Variants in DMD observed in about 807,000 individuals in gnomAD.
DMD encodes dystrophin.
A neutral mutation model predicts 330.1 loss-of-function variants in DMD; 63 were observed. That is an observed-to-expected ratio of 0.19 (90% CI 0.16 to 0.24). The LOEUF (loss-of-function observed/expected upper bound fraction) is 0.24. Among genes scored for constraint, DMD ranks in the 10% least tolerant of loss-of-function variants. The pLI, the probability that DMD is intolerant of heterozygous loss-of-function variation, is 1.00. For missense variants in DMD, 3,344 were observed against 2,684.1 expected (o/e 1.25, Z -5.43); for synonymous variants, 1,223 against 959.8 (o/e 1.27, Z -5.07).
intron 44 of DMD, among the ~76,000 whole-genome samples, chrX:32,023,300 G>A (rs1180145749): frequency 2.7e-5 from 3 of 110,919 alleles, no homozygotes; most frequent in Non-Finnish European, 1.9e-5. Context: ...CTAAGACCTG[G>A]GGGGTATTAT....
At chrX:31,973,069 G>T (rs2095411282) in intron 44 of DMD, among the ~76,000 whole-genome samples, 2 of 111,235 alleles carry the variant, frequency 1.8e-5, no homozygotes, top group Non-Finnish European at 3.8e-5. Context: ...TCGGATGATG[G>T]ATTTTTGTAA....
At chrX:32,833,217 A>G (rs1476685270) in intron 4 of DMD, among the ~76,000 whole-genome samples, 1 of 111,488 alleles carries the variant, frequency 9.0e-6, no homozygotes, top group Non-Finnish European at 1.9e-5. Context: ...ACATTGCAGG[A>G]GAATTATTTT....
At chrX:33,113,848 A>C (rs948361592) in intron 1 of DMD, among the ~76,000 whole-genome samples, 1 of 111,092 alleles carries the variant, frequency 9.0e-6, no homozygotes, top group African/African-American at 3.3e-5. Flanking sequence ...GTAAATTCTC[A>C]TGTAATATTA....
At chrX:31,370,248 TAAG>T (rs1569534072) in intron 60 of DMD, among the ~76,000 whole-genome samples, 1 of 111,321 alleles carries the variant, frequency 9.0e-6, no homozygotes, top group African/African-American at 3.3e-5. Context: ...CATCCCCTGT[TAAG>T]AAGATGAAAA....
chrX:31,721,714 CTCTCTATA>C (rs1370910054), intron 52 of DMD, among the ~76,000 whole-genome samples: 34 of 60,691 alleles, frequency 5.6e-4, no homozygotes, highest in African/African-American at 1.4e-3. Flanking sequence ...CTCTCTCTCT[CTCTCTATA>C]TATATATATA....
chrX:32,599,751 T>C (rs2055979889), intron 12 of DMD, among the ~76,000 whole-genome samples: 1 of 111,882 alleles, frequency 8.9e-6, no homozygotes, highest in Admixed American at 9.5e-5. Context: ...ACACACATAC[T>C]AGGTACTTTA....
intron 2 of DMD, among the ~76,000 whole-genome samples, chrX:32,931,147 T>C (rs2089555795): frequency 9.1e-6 from 1 of 109,974 alleles, no homozygotes; most frequent in African/African-American, 3.3e-5. Context: ...AAATTAACAG[T>C]GAAAGCCCCA....
intron 67 of DMD, among the ~76,000 whole-genome samples, chrX:31,188,306 A>T (rs2042010344): frequency 8.9e-6 from 1 of 112,341 alleles, no homozygotes; most frequent in African/African-American, 3.2e-5. Flanking sequence ...TAAAGACCTA[A>T]CAGAACTAGA....
intron 48 of DMD, among the ~76,000 whole-genome samples, chrX:31,855,729 T>A (rs3991414): frequency 2.3e-3 from 255 of 109,134 alleles, no homozygotes; most frequent in Admixed American, 3.4e-3. Context: ...CGTATTTTTT[T>A]AAAAAAAAAC....
intron 47 of DMD, among the ~76,000 whole-genome samples, chrX:31,923,083 T>C (rs1352087251): frequency 8.9e-6 from 1 of 111,749 alleles, no homozygotes; most frequent in Non-Finnish European, 1.9e-5. Flanking sequence ...GGAATACTTA[T>C]GACAATGAAA....
intron 60 of DMD, among the ~76,000 whole-genome samples, chrX:31,404,455 T>C (rs898377179): frequency 9.0e-6 from 1 of 111,373 alleles, no homozygotes; most frequent in African/African-American, 3.3e-5. Context: ...TTAGTCAATA[T>C]ATATTCTGTA....
At position 33,337,906 on chromosome X, in the gene DMD, C is replaced by T. The variant is rs755688092; in HGVS notation, c.7+1353G>A. Reference sequence around the variant, plus strand: ...CAATTACTACAGAAAAGGCACAGCACATACGAGTAGCACTGTGTACACTGA... The same window carrying T: ...CAATTACTACAGAAAAGGCACAGCATATACGAGTAGCACTGTGTACACTGA... On this transcript the variant is annotated intron_variant, in intron 1 of 17. Transcript: ENST00000288447. 8.9e-4 allele frequency among the ~76,000 whole-genome samples: 99 copies of T among 111,642 alleles called. 1 individual carries two copies. Among genetic ancestry groups the T allele is most frequent in the Non-Finnish European group, 1.5e-3 (81 of 53,030 alleles).
At chrX:31,811,115 T>C (rs995509735) in intron 50 of DMD, among the ~76,000 whole-genome samples, 1 of 111,903 alleles carries the variant, frequency 8.9e-6, no homozygotes, top group Admixed American at 9.5e-5. Flanking sequence ...TAACTGGAAA[T>C]GGTAACCATG....
intron 62 of DMD, among the ~76,000 whole-genome samples, chrX:31,299,968 A>C (rs2054517462): frequency 1.8e-5 from 2 of 111,734 alleles, no homozygotes; most frequent in Admixed American, 1.9e-4. Context: ...AGAGGAAACA[A>C]AAATAATTCT....
chrX:31,931,385 T>C (rs1175693023), intron 46 of DMD, among the ~76,000 whole-genome samples: 1 of 110,417 alleles, frequency 9.1e-6, no homozygotes, highest in Non-Finnish European at 1.9e-5. Flanking sequence ...CCAAGGGAAG[T>C]AATCAGTAAT....
intron 7 of DMD, among the ~76,000 whole-genome samples, chrX:32,794,616 A>C (rs73621836): frequency 0.09 from 9,980 of 111,077 alleles, 1,016 homozygotes; most frequent in African/African-American, 0.3. Flanking sequence ...AACAAAAAAA[A>C]GAACAAGACA....
chrX:33,317,899 A>G (rs1016616025), intron 1 of DMD, among the ~76,000 whole-genome samples: 1 of 111,805 alleles, frequency 8.9e-6, no homozygotes, highest in Admixed American at 9.5e-5. Flanking sequence ...AACAGTATTA[A>G]GATCATAAGG....
intron 2 of DMD, among the ~76,000 whole-genome samples, chrX:32,891,885 T>A (rs1038665918): frequency 1.8e-5 from 2 of 111,520 alleles, no homozygotes; most frequent in African/African-American, 6.5e-5. Flanking sequence ...AGCCTAATCA[T>A]TTTTTCTCTT....
chrX:31,235,532 G>A (rs2033979754), intron 63 of DMD, among the ~76,000 whole-genome samples: 1 of 112,550 alleles, frequency 8.9e-6, no homozygotes, highest in Non-Finnish European at 1.9e-5. Flanking sequence ...AGGTCATGTT[G>A]TGTTCACTTA....
Sources: gnomAD v4.1 joint callset for allele counts (sites outside exome capture counted in the v4.1 genomes callset) on GRCh38, gnomAD v4.1.1 for gene constraint, MANE v1.5 for transcripts, NCBI Gene and HGNC (gene_info 2026-07-23, HGNC 2026-07-21) for gene names.